Variants in SLC9A9 observed in about 807,000 individuals in gnomAD.
SLC9A9 encodes solute carrier family 9 member A9, also known as sodium/hydrogen exchanger 9.
In SLC9A9, 62 loss-of-function variants were observed where a neutral mutation model predicts 77.8. That is an observed-to-expected ratio of 0.80 (90% CI 0.65 to 0.98). The LOEUF is 0.98. Among genes scored for constraint, SLC9A9 ranks in the 50% least tolerant of loss-of-function variants. SLC9A9 has a pLI of 0.00. For synonymous variants in SLC9A9, 320 were observed against 283.5 expected (o/e 1.13, Z -1.29); for missense variants, 775 against 774.9 (o/e 1.00, Z 0.00).
chr3:143,824,629 T>G (rs2009252968), intron 2 of SLC9A9, among the ~76,000 whole-genome samples: 1 of 152,262 alleles, frequency 6.6e-6, no homozygotes, highest in Admixed American at 6.5e-5. Context: ...GACTTCGTTT[T>G]GTTCACTACC....
In SLC9A9 at chr3:143,775,157, C is replaced by T. The variant is rs76922153; in HGVS notation, c.533+19844G>A. On this transcript the variant is annotated intron_variant, in intron 4 of 15. Coordinates refer to ENST00000316549, the MANE Select transcript of SLC9A9 (RefSeq NM_173653.4). Reference sequence around the variant, plus strand: ...CCTGAATATGCAAGTATCAGTAGACCAAAGATAGAATTTTAGCCCTGGGAA... The same window carrying T: ...CCTGAATATGCAAGTATCAGTAGACTAAAGATAGAATTTTAGCCCTGGGAA... Among the ~76,000 whole-genome samples the T allele has an allele frequency of 5.4e-3, 824 of 152,104 alleles. 11 individuals are homozygous for T. The highest frequency in any genetic ancestry group is 0.019 in the African/African-American group (793 of 41,496).
chr3:143,573,977 C>T (rs2037313039), intron 8 of SLC9A9, 111 bp downstream of exon 8: 2 of 870,770 alleles, frequency 2.3e-6, no homozygotes, highest in South Asian at 1.4e-5. Context: ...CATTCACATG[C>T]ACTATTTAAG....
chr3:143,552,088 A>T (rs913064284), intron 9 of SLC9A9, among the ~76,000 whole-genome samples: 1 of 152,196 alleles, frequency 6.6e-6, no homozygotes, highest in Admixed American at 6.5e-5. Context: ...GTGAATTATT[A>T]CCAACTGTAT....
At chr3:143,702,044 C>A (rs1397987720) in intron 4 of SLC9A9, among the ~76,000 whole-genome samples, 1 of 152,050 alleles carries the variant, frequency 6.6e-6, no homozygotes, top group South Asian at 2.1e-4. Flanking sequence ...GAAACTTTTA[C>A]CCTAGAATAG....
chr3:143,512,593 C>G (rs1011007203), intron 9 of SLC9A9, among the ~76,000 whole-genome samples: 1 of 152,172 alleles, frequency 6.6e-6, no homozygotes, highest in Non-Finnish European at 1.5e-5. Flanking sequence ...AAACAATGTA[C>G]ATGGCTGGGT....
chr3:143,622,344 A>AT (rs1380530606), intron 6 of SLC9A9, among the ~76,000 whole-genome samples: 2 of 152,340 alleles, frequency 1.3e-5, no homozygotes, highest in Middle Eastern at 3.4e-3. Context: ...TGAAGGAAAA[A>AT]ATGTTAAGGG....
chr3:143,332,303 A>T (rs1265251846), intron 14 of SLC9A9, among the ~76,000 whole-genome samples: 3 of 152,196 alleles, frequency 2.0e-5, no homozygotes, highest in Non-Finnish European at 4.4e-5. Flanking sequence ...GGGTTCTAAA[A>T]AACCTCAACC....
At chr3:143,452,738 T>C (rs558705075) in intron 12 of SLC9A9, among the ~76,000 whole-genome samples, 32 of 151,982 alleles carry the variant, frequency 2.1e-4, no homozygotes, top group Non-Finnish European at 4.1e-4. Context: ...ATGTCCTTAT[T>C]TCTAGGTGCA....
chr3:143,751,401 T>G (rs1375503010), intron 4 of SLC9A9, among the ~76,000 whole-genome samples: 2 of 152,178 alleles, frequency 1.3e-5, no homozygotes, highest in African/African-American at 4.8e-5. Flanking sequence ...GAGCTCCCTA[T>G]GGGGATTTCC....
At chr3:143,692,975 C>T (rs1037227648) in intron 5 of SLC9A9, among the ~76,000 whole-genome samples, 1 of 152,154 alleles carries the variant, frequency 6.6e-6, no homozygotes, top group African/African-American at 2.4e-5. Flanking sequence ...CTTTAAAGAT[C>T]TCTCCCACTA....
chr3:143,635,428 A>T (rs1311252761), intron 6 of SLC9A9, among the ~76,000 whole-genome samples: 1 of 152,108 alleles, frequency 6.6e-6, no homozygotes, highest in Non-Finnish European at 1.5e-5. Context: ...ATGTTTTAAA[A>T]CTGCCACTGG....
intron 11 of SLC9A9, among the ~76,000 whole-genome samples, chr3:143,471,326 G>T (rs2035375100): frequency 6.6e-6 from 1 of 152,184 alleles, no homozygotes; most frequent in Non-Finnish European, 1.5e-5. Context: ...CTAGATAAAT[G>T]TGAAACCAAT....
chr3:143,310,696 G>A (rs2030984268), intron 14 of SLC9A9, among the ~76,000 whole-genome samples: 1 of 152,130 alleles, frequency 6.6e-6, no homozygotes, highest in East Asian at 1.9e-4. Flanking sequence ...TACACTAGAA[G>A]GACTAAGAAA....
intron 14 of SLC9A9, chr3:143,346,866 A>T (rs994610064): frequency 3.3e-5 from 5 of 152,178 alleles, no homozygotes; most frequent in African/African-American, 4.8e-5. Context: ...ATAGAAAATG[A>T]GAGAAGAAAT....
At chr3:143,424,780 G>A (rs1372266043) in intron 12 of SLC9A9, among the ~76,000 whole-genome samples, 3 of 152,196 alleles carry the variant, frequency 2.0e-5, no homozygotes, top group Admixed American at 2.0e-4. Context: ...GAGGAGTGAG[G>A]TGGTTAAAAA....
At chr3:143,384,237 C>T (rs1199121074) in intron 12 of SLC9A9, among the ~76,000 whole-genome samples, 2 of 150,972 alleles carry the variant, frequency 1.3e-5, no homozygotes, top group East Asian at 2.0e-4. Flanking sequence ...TGGCCTGCCT[C>T]CGACAGTGGG....
chr3:143,489,390 A>G (rs1321735914), intron 11 of SLC9A9, among the ~76,000 whole-genome samples: 1 of 151,960 alleles, frequency 6.6e-6, no homozygotes, highest in Non-Finnish European at 1.5e-5. Flanking sequence ...CCTATCCTCA[A>G]ATTAATACAG....
chr3:143,651,252 C>T (rs144592999), intron 6 of SLC9A9, among the ~76,000 whole-genome samples: 1,754 of 152,196 alleles, frequency 0.012, 28 homozygotes, highest in African/African-American at 0.04. Flanking sequence ...TCCTTTAAAG[C>T]AGGAAAGACA....
intron 12 of SLC9A9, among the ~76,000 whole-genome samples, chr3:143,382,715 G>C (rs2033336157): frequency 6.6e-6 from 1 of 152,172 alleles, no homozygotes; most frequent in African/African-American, 2.4e-5. Flanking sequence ...TGTTTTTAAA[G>C]CTGGCAAATG....
Sources: gnomAD v4.1 joint callset for allele counts (sites outside exome capture counted in the v4.1 genomes callset) on GRCh38, gnomAD v4.1.1 for gene constraint, MANE v1.5 for transcripts, NCBI Gene and HGNC (gene_info 2026-07-23, HGNC 2026-07-21) for gene names.